The following PKHD1 variants were observed in gnomAD, a reference collection of about 807,000 sequenced individuals.
PKHD1 encodes the protein fibrocystin.
PKHD1 carries 291 observed loss-of-function variants against 412.0 expected under a neutral mutation model. That is an observed-to-expected ratio of 0.71 (90% CI 0.64 to 0.78). The LOEUF (loss-of-function observed/expected upper bound fraction) is 0.78, where lower values mean the gene tolerates loss of function less well. PKHD1 is among the 30% of genes least tolerant of loss of function. The probability of loss-of-function intolerance (pLI) is 0.00; values close to 1 mark genes in which losing one functional copy is unlikely to be tolerated. For synonymous variants in PKHD1, 1,777 were observed against 1,821.5 expected (o/e 0.98, Z 0.62); for missense variants, 4,825 against 4,950.7 (o/e 0.97, Z 0.76).
At chr6:51,765,685 T>C (rs1231946146) in intron 55 of PKHD1, among the ~76,000 whole-genome samples, 1 of 152,152 alleles carries the variant, frequency 6.6e-6, no homozygotes, top group East Asian at 1.9e-4. Context: ...TATTTTATAA[T>C]CTCAACCACG....
intron 60 of PKHD1, among the ~76,000 whole-genome samples, chr6:51,667,983 G>A (rs1464927968): frequency 6.6e-6 from 1 of 152,150 alleles, no homozygotes; most frequent in African/African-American, 2.4e-5. Context: ...GTCGCGTGAT[G>A]CCTCCAGCTT....
intron 48 of PKHD1, among the ~76,000 whole-genome samples, chr6:51,864,709 T>A (rs116635479): frequency 3.4e-4 from 52 of 152,272 alleles, no homozygotes; most frequent in African/African-American, 1.3e-3. Flanking sequence ...TAAATTAATT[T>A]TAGTAATATA....
In PKHD1 at chr6:51,791,402, A is replaced by G. The variant is rs770383039; in HGVS notation, c.8303-29T>C. On this transcript the variant is annotated intron_variant, in intron 52 of 66. Transcript: ENST00000371117. ...TGGAAGAAAAAGAAATTGCTCAGAT[A>G]TGTCACAAAAACAAGAATTACGTGT... is the stretch of plus-strand genomic sequence containing the variant. The G allele has an allele frequency of 6.2e-6, 10 of 1,609,314 alleles. No individual in the cohort carries two copies. In the African/African-American group the frequency reaches 1.1e-4, roughly 17 times the overall value.
intron 46 of PKHD1, among the ~76,000 whole-genome samples, chr6:51,879,070 C>A (rs749369948): frequency 0.085 from 7,218 of 85,174 alleles, 640 homozygotes; most frequent in Non-Finnish European, 0.11. Context: ...ATGTGAAGGA[C>A]CTCTTCAAGG....
chr6:51,966,919 T>TGGATC (rs1425291036), intron 35 of PKHD1, among the ~76,000 whole-genome samples: 1 of 151,788 alleles, frequency 6.6e-6, no homozygotes, highest in Non-Finnish European at 1.5e-5. Context: ...TGGATTGGAT[T>TGGATC]GGATTGGATT....
intron 46 of PKHD1, among the ~76,000 whole-genome samples, chr6:51,873,075 G>T (rs898729097): frequency 6.6e-6 from 1 of 152,080 alleles, no homozygotes; most frequent in Non-Finnish European, 1.5e-5. Flanking sequence ...TACATTGCTG[G>T]TGTAAGCATA....
intron 29 of PKHD1, among the ~76,000 whole-genome samples, chr6:52,032,531 T>C (rs1803217550): frequency 6.6e-6 from 1 of 152,166 alleles, no homozygotes; most frequent in Admixed American, 6.5e-5. Flanking sequence ...ACTGCTACAA[T>C]AGAACCTGCT....
intron 60 of PKHD1, among the ~76,000 whole-genome samples, chr6:51,670,939 C>T (rs1487035889): frequency 1.3e-5 from 2 of 151,906 alleles, no homozygotes; most frequent in Non-Finnish European, 2.9e-5. Flanking sequence ...ATGGGCTTCC[C>T]TTTGTGGGTA....
At chr6:52,056,845 C>A in intron 17 of PKHD1, 45 bp downstream of exon 17, 2 of 1,581,488 alleles carry the variant, frequency 1.3e-6, no homozygotes, top group Non-Finnish European at 1.7e-6. Context: ...AGACCACCCC[C>A]AGTTCTCCCA....
At chr6:51,870,962 C>T (rs373964614) in intron 46 of PKHD1, among the ~76,000 whole-genome samples, 1 of 151,636 alleles carries the variant, frequency 6.6e-6, no homozygotes, top group Non-Finnish European at 1.5e-5. Flanking sequence ...TAGGGAAATG[C>T]AAATTAAGAT....
intron 36 of PKHD1, among the ~76,000 whole-genome samples, chr6:51,941,357 G>C (rs576886339): frequency 7.1e-6 from 1 of 140,170 alleles, no homozygotes; most frequent in Non-Finnish European, 1.5e-5. Flanking sequence ...CCGGGTTCAC[G>C]CCATTCTCCT....
chr6:51,669,757 C>T (rs529499157), intron 60 of PKHD1, among the ~76,000 whole-genome samples: 2,962 of 132,956 alleles, frequency 0.022, 53 homozygotes, highest in Non-Finnish European at 0.034. Context: ...TCTTTGTTCT[C>T]GTTGGTTTCA....
At chr6:51,748,712 A>G in intron 57 of PKHD1, 47 bp from the exon 58 acceptor site, 1 of 1,566,470 alleles carries the variant, frequency 6.4e-7, no homozygotes, top group Admixed American at 1.7e-5. Context: ...TCCCCACAAA[A>G]GGCTGAAGAA....
At chr6:52,058,242 G>C (rs1645131974) in intron 16 of PKHD1, 81 bp downstream of exon 16, 2 of 1,422,418 alleles carry the variant, frequency 1.4e-6, no homozygotes, top group Admixed American at 3.3e-5. Flanking sequence ...CAGGTCGCCA[G>C]ACTCCCAGTC....
intron 46 of PKHD1, among the ~76,000 whole-genome samples, chr6:51,881,689 C>A (rs919009189): frequency 6.6e-6 from 1 of 152,132 alleles, no homozygotes; most frequent in Non-Finnish European, 1.5e-5. Flanking sequence ...TAGGCATGAA[C>A]CTTAAACTGC....
At chr6:51,927,033 A>C (rs545190092) in intron 37 of PKHD1, among the ~76,000 whole-genome samples, 1 of 152,266 alleles carries the variant, frequency 6.6e-6, no homozygotes, top group East Asian at 1.9e-4. Flanking sequence ...GCTGACCAGA[A>C]CCCCAACACT....
At chr6:52,045,189 C>T (rs989478499) in intron 24 of PKHD1, 101 bp from the exon 25 acceptor site, 1 of 1,136,378 alleles carries the variant, frequency 8.8e-7, no homozygotes, top group African/African-American at 1.5e-5. Context: ...TTCAGATAAT[C>T]AGACAGCTAG....
chr6:52,056,640 A>T, intron 18 of PKHD1, 58 bp downstream of exon 18: 1 of 1,238,742 alleles, frequency 8.1e-7, no homozygotes, highest in Non-Finnish European at 1.2e-6. Flanking sequence ...TTCTCATTTT[A>T]TAGAAAGAAA....
At chr6:51,834,957 C>T in intron 51 of PKHD1, among the ~76,000 whole-genome samples, 1 of 152,150 alleles carries the variant, frequency 6.6e-6, no homozygotes, top group East Asian at 1.9e-4. Flanking sequence ...ACTGATATGA[C>T]TAAGTTTAAT....
Sources: allele counts gnomAD v4.1 joint callset (sites outside exome capture counted in the v4.1 genomes callset), GRCh38; gene constraint gnomAD v4.1.1; transcripts MANE v1.5; gene names NCBI Gene and HGNC (gene_info 2026-07-23, HGNC 2026-07-21).